The following CDK14 variants were observed in gnomAD, a reference collection of about 807,000 sequenced individuals.
CDK14 encodes the protein cyclin-dependent kinase 14.
CDK14 carries 34 observed loss-of-function variants against 60.7 expected under a neutral mutation model. That is an observed-to-expected ratio of 0.56 (90% CI 0.43 to 0.75). The LOEUF (loss-of-function observed/expected upper bound fraction) is 0.75, where lower values mean the gene tolerates loss of function less well. Ranked by LOEUF, CDK14 falls within the 30% of genes least tolerant of loss-of-function variation. The pLI, the probability that CDK14 is intolerant of heterozygous loss-of-function variation, is 0.00. For synonymous variants in CDK14, 197 were observed against 203.7 expected, an observed-to-expected ratio of 0.97 and a Z score of 0.28; for missense variants, 482 against 564.1, an observed-to-expected ratio of 0.85 and a Z score of 1.47.
At chr7:90,788,939 AGGGGAG>A (rs1805713270) in intron 4 of CDK14, among the ~76,000 whole-genome samples, 1 of 147,582 alleles carries the variant, frequency 6.8e-6, no homozygotes, top group Non-Finnish European at 1.5e-5. Flanking sequence ...GAGGAGAGGC[AGGGGAG>A]CTCTATTTGG....
intron 4 of CDK14, among the ~76,000 whole-genome samples, chr7:90,780,102 C>A (rs560209767): frequency 6.6e-6 from 1 of 152,248 alleles, no homozygotes; most frequent in East Asian, 1.9e-4. Flanking sequence ...TAGATTTAGA[C>A]TTGGTCAGAA....
chr7:91,017,126 G>A (rs1220192508), intron 10 of CDK14, among the ~76,000 whole-genome samples: 2 of 152,166 alleles, frequency 1.3e-5, no homozygotes, highest in Non-Finnish European at 2.9e-5. Flanking sequence ...TATTTTCTAT[G>A]AAGTTAATAC....
chr7:90,638,318 T>C (rs572279948), intron 2 of CDK14, among the ~76,000 whole-genome samples: 37 of 152,250 alleles, frequency 2.4e-4, no homozygotes, highest in African/African-American at 8.4e-4. Flanking sequence ...TCTTTTAGGG[T>C]AGGCCTGGTG....
chr7:90,776,055 T>G (rs949591166), intron 4 of CDK14, among the ~76,000 whole-genome samples: 2 of 152,120 alleles, frequency 1.3e-5, no homozygotes, highest in African/African-American at 4.8e-5. Context: ...TATGAAACTA[T>G]CCCATCTCAT....
intron 2 of CDK14, among the ~76,000 whole-genome samples, chr7:90,627,690 AATG>A (rs1799906060): frequency 6.6e-6 from 1 of 152,020 alleles, no homozygotes; most frequent in Non-Finnish European, 1.5e-5. Context: ...TTGTGGGATT[AATG>A]ATCTCAGAAC....
chr7:90,734,097 G>A (rs62469746), intron 3 of CDK14, among the ~76,000 whole-genome samples: 2 of 152,066 alleles, frequency 1.3e-5, no homozygotes, highest in African/African-American at 4.8e-5. Flanking sequence ...TGAAATTCTG[G>A]GTTGAAAATA....
At chr7:90,784,909 C>G (rs1028316602) in intron 4 of CDK14, among the ~76,000 whole-genome samples, 3 of 152,114 alleles carry the variant, frequency 2.0e-5, no homozygotes, top group Admixed American at 6.6e-5. Flanking sequence ...ATAAATGAAA[C>G]ACTATTAATA....
chr7:91,024,111 AATGATGATGATGATGATG>A (rs59410115), intron 10 of CDK14, among the ~76,000 whole-genome samples: 2 of 149,270 alleles, frequency 1.3e-5, no homozygotes, highest in Non-Finnish European at 1.5e-5. Context: ...ACCCATCCAA[AATGATGATGATGATGATG>A]ATGATGATGA....
intron 8 of CDK14, among the ~76,000 whole-genome samples, chr7:90,923,281 T>C (rs1793307870): frequency 2.6e-5 from 4 of 151,958 alleles, no homozygotes; most frequent in African/African-American, 9.7e-5. Flanking sequence ...GGCTAATTTT[T>C]TGTATTTTTA....
intron 5 of CDK14, among the ~76,000 whole-genome samples, chr7:90,839,798 G>T (rs1444707178): frequency 1.3e-5 from 2 of 152,106 alleles, no homozygotes; most frequent in Admixed American, 6.5e-5. Flanking sequence ...AATCAAAGTG[G>T]AATGTGTTCC....
chr7:91,078,895 C>T (rs1490603324), intron 11 of CDK14, among the ~76,000 whole-genome samples: 1 of 152,164 alleles, frequency 6.6e-6, no homozygotes, highest in South Asian at 2.1e-4. Context: ...GTAAAACAAA[C>T]ATGTTCCTTT....
At chr7:90,980,146 ATGT>A (rs1795192441) in intron 9 of CDK14, among the ~76,000 whole-genome samples, 1 of 152,184 alleles carries the variant, frequency 6.6e-6, no homozygotes, top group African/African-American at 2.4e-5. Context: ...AAATTGGGAA[ATGT>A]TGAGTTCAAA....
At chr7:91,036,715 A>C (rs562007520) in intron 10 of CDK14, among the ~76,000 whole-genome samples, 23 of 152,316 alleles carry the variant, frequency 1.5e-4, no homozygotes, top group African/African-American at 5.5e-4. Context: ...TTGTAAGGAT[A>C]TAGTATATAA....
chr7:90,821,392 G>A (rs1017258332), intron 5 of CDK14, among the ~76,000 whole-genome samples: 1 of 152,196 alleles, frequency 6.6e-6, no homozygotes, highest in African/African-American at 2.4e-5. Context: ...CATTATGCCC[G>A]ACCATGCTCT....
intron 9 of CDK14, among the ~76,000 whole-genome samples, chr7:90,976,063 G>A (rs566559943): frequency 6.6e-6 from 1 of 152,102 alleles, no homozygotes; most frequent in East Asian, 1.9e-4. Context: ...CCAGTAGTGG[G>A]ATGGCTAGCT....
intron 10 of CDK14, 91 bp downstream of exon 10, chr7:90,984,332 T>C: frequency 1.2e-6 from 1 of 825,552 alleles, no homozygotes. Flanking sequence ...AAAAATAATT[T>C]AAAACAAAAT....
At chr7:90,723,376 G>A (rs1004471304) in intron 2 of CDK14, among the ~76,000 whole-genome samples, 2 of 152,124 alleles carry the variant, frequency 1.3e-5, no homozygotes, top group South Asian at 2.1e-4. Flanking sequence ...CAGGAAGCTG[G>A]AACTGTGGTT....
chr7:90,673,362 G>A (rs1169482788), intron 2 of CDK14, among the ~76,000 whole-genome samples: 1 of 152,132 alleles, frequency 6.6e-6, no homozygotes, highest in Non-Finnish European at 1.5e-5. Context: ...GTCAGGAAAG[G>A]CATCACTTCA....
At chr7:91,018,294 T>C (rs1022294255) in intron 10 of CDK14, among the ~76,000 whole-genome samples, 2 of 152,152 alleles carry the variant, frequency 1.3e-5, no homozygotes, top group Admixed American at 6.5e-5. Flanking sequence ...GTCTGTATCA[T>C]GAACATAAGA....
Sources: allele counts gnomAD v4.1 joint callset (sites outside exome capture counted in the v4.1 genomes callset), GRCh38; gene constraint gnomAD v4.1.1; transcripts MANE v1.5; gene names NCBI Gene and HGNC (gene_info 2026-07-23, HGNC 2026-07-21).